POLE: variants seen among roughly 807,000 people sequenced by gnomAD.
POLE encodes DNA polymerase epsilon, catalytic subunit, also known as DNA polymerase epsilon catalytic subunit A.
A neutral mutation model predicts 279.2 loss-of-function variants in POLE; 188 were observed. The observed-to-expected ratio is 0.67, with a 90% CI of 0.60 to 0.76. The LOEUF is 0.76. Among genes scored for constraint, POLE ranks in the 30% least tolerant of loss-of-function variants. The pLI is 0.00. For missense variants in POLE, 2,703 were observed against 3,016.7 expected (o/e 0.90, Z 2.44); for synonymous variants, 1,214 against 1,172.5 (o/e 1.04, Z -0.72).
chr12:132,669,426 T>C (rs775996608), intron 16 of POLE, among the ~76,000 whole-genome samples: 1 of 150,954 alleles, frequency 6.6e-6, no homozygotes, highest in Non-Finnish European at 1.5e-5. Flanking sequence ...ATTGCACCAC[T>C]GCACTCCAGC....
In POLE at chr12:132,681,166, T is replaced by G. The variant is rs754654107; in HGVS notation, c.176A>C (p.Lys59Thr). Residue 59 changes from lysine (K) to threonine (T), a missense_variant, in exon 2 of 49, where the codon AAG (lysine) becomes ACG (threonine). Physicochemically the swap from Lys to Thr is moderately conservative, Grantham distance 78 (BLOSUM62 -1). Coordinates refer to ENST00000320574, the MANE Select transcript of POLE (RefSeq NM_006231.4). ...ATGCATGTTAATGAGCCAGCCTGTC[T>G]TCTCACCAGGCTCCTTCAGCCGCTC... Reference protein sequence around the residue: ...GFERLKEPGEKTGWLINMHPT... With the variant: ...GFERLKEPGETTGWLINMHPT... The G allele has an allele frequency of 5.6e-6, 9 of 1,614,122 alleles. No homozygotes were observed. The highest frequency in any genetic ancestry group is 7.6e-6 in the Non-Finnish European group (9 of 1,180,008).
intron 32 of POLE, chr12:132,648,518 A>C (rs1392902064): frequency 6.3e-6 from 1 of 158,290 alleles, no homozygotes; most frequent in Non-Finnish European, 1.4e-5. Flanking sequence ...AGAAAAAAAA[A>C]GAAAATGTCA....
rs2043017710 is a variant in POLE, at chr12:132,675,259, CAT to C, written c.1226+137_1226+138del. ...CGGGCCCTGGCAGGGTTGCAGCTGC[CAT>C]ACTCTTGGGTGACCTGAAACGGCCT... On this transcript the variant is annotated intron_variant, in intron 12 of 48. Transcript: ENST00000320574. The surrounding 1 kb of genome is among the most constrained non-coding windows in gnomAD (Gnocchi z 4.3). 4 of 1,049,428 alleles carry C rather than the reference CAT, an allele frequency of 3.8e-6. No homozygotes were observed. The African/African-American group carries it at 6.4e-5, about 17-fold the overall frequency. The allele number at this position is 1,049,428 out of a possible 1,614,324, so 65.0% of individuals were successfully genotyped here. A position where few individuals can be genotyped will look rare whatever the true frequency, so the allele number is the denominator to read the frequency against.
chr12:132,632,820 G>A, intron 43 of POLE, 25 bp from the exon 44 acceptor site: 1 of 1,575,268 alleles, frequency 6.3e-7, no homozygotes, highest in Non-Finnish European at 8.6e-7. Flanking sequence ...ACACACCACA[G>A]GCCCTGAGTC....
At chr12:132,663,891 G>A (rs2042730941) in intron 23 of POLE, 113 bp downstream of exon 23, 7 of 1,058,162 alleles carry the variant, frequency 6.6e-6, no homozygotes, top group Non-Finnish European at 9.9e-6. Context: ...AGCAATGTGA[G>A]CAGTGCTGGG....
chr12:132,682,810 G>A (rs758361478), intron 1 of POLE, among the ~76,000 whole-genome samples: 45 of 151,692 alleles, frequency 3.0e-4, no homozygotes, highest in East Asian at 7.8e-4. Flanking sequence ...AAAATTAGCC[G>A]GGCGTGGTGG....
intron 1 of POLE, 151 bp from the exon 2 acceptor site, chr12:132,681,430 G>A (rs1038999836): frequency 1.4e-4 from 106 of 740,250 alleles, no homozygotes; most frequent in Admixed American, 1.2e-3. Flanking sequence ...TGCAAGCTCC[G>A]CCTCCCGGGT....
Position 132,632,527 on chromosome 12 carries a change from T to A in POLE, c.6137-19A>T, listed in dbSNP as rs1057524544. On this transcript the variant is annotated intron_variant, in intron 44 of 48. Coordinates refer to ENST00000320574, the MANE Select transcript of POLE (RefSeq NM_006231.4). ...ATCATTCCTGGAAGTATAAGGATGC[T>A]GAGGGAGGGGTCTGGGACCTGTCTG... The A allele has an allele frequency of 3.1e-6, 5 of 1,612,964 alleles. No individual in the cohort carries two copies. The highest frequency in any genetic ancestry group is 4.2e-6 in the Non-Finnish European group (5 of 1,178,980).
Position 132,672,789 on chromosome 12 carries a change from C to A in POLE, c.1524G>T (p.Gln508His), listed in dbSNP as rs762030811. 1.9e-6 allele frequency: 3 copies of A among 1,614,084 alleles called. No homozygotes were observed. The East Asian group carries it at 6.7e-5, about 36-fold the overall frequency. ...GTLCEALLMV[Q>H]AFHANIIFPN... is the part of the protein sequence containing the mutation. ...GGAAGATGATGTTGGCGTGGAAGGC[C>A]TGCACCATCAGCAAGGCCTCACACA... Residue 508 changes from glutamine (Q) to histidine (H), a missense_variant, in exon 15 of 49, where the codon CAG becomes CAT. Gln to His is a conservative substitution (Grantham distance 24). Around this residue, in one of 5 missense-constraint regions of POLE, gnomAD observed 1,011 missense variants for 1,111.7 expected, o/e 0.91. Coordinates refer to ENST00000320574, the MANE Select transcript of POLE (RefSeq NM_006231.4).
intron 6 of POLE, among the ~76,000 whole-genome samples, chr12:132,678,276 GA>G (rs34315839): frequency 1.9e-4 from 27 of 141,638 alleles, no homozygotes; most frequent in South Asian, 2.2e-4. Flanking sequence ...ACCCCAACTA[GA>G]AAAAAAAAAA....
intron 45 of POLE, among the ~76,000 whole-genome samples, chr12:132,629,985 G>A (rs138559088): frequency 5.3e-4 from 80 of 152,264 alleles, no homozygotes; most frequent in Non-Finnish European, 8.1e-4. Context: ...TTGTGTCACC[G>A]GGACTGGGGA....
chr12:132,672,792 C>A lies in POLE; in HGVS notation c.1521G>T (p.Val507=). Residue 507 remains valine, a synonymous_variant, in exon 15 of 49, where the codon GTG becomes GTT. Transcript: ENST00000320574. The part of the protein sequence containing the change: ...SGTLCEALLM[V]QAFHANIIFP... ...AGATGATGTTGGCGTGGAAGGCCTG[C>A]ACCATCAGCAAGGCCTCACACAGAG... The A allele has an allele frequency of 6.2e-7, 1 of 1,614,176 alleles. No individual in the cohort carries two copies. The highest frequency in any genetic ancestry group is 8.5e-7 in the Non-Finnish European group (1 of 1,180,014).
chr12:132,675,542 G>C lies in POLE; in HGVS notation c.1107-25C>G, dbSNP rs763288184. Reference sequence around the variant, plus strand: ...CCTGGGTTGGAAAGAGGACAGACAAGCAAGTGGGCAGGTCAGGCTCTAATG... The same window carrying C: ...CCTGGGTTGGAAAGAGGACAGACAACCAAGTGGGCAGGTCAGGCTCTAATG... On this transcript the variant is annotated intron_variant, in intron 11 of 48. Coordinates refer to ENST00000320574, the MANE Select transcript of POLE (RefSeq NM_006231.4). The surrounding 1 kb of genome is among the most constrained non-coding windows in gnomAD (Gnocchi z 4.3). The C allele has an allele frequency of 2.5e-6, 4 of 1,613,260 alleles. No individual in the cohort carries two copies. The highest frequency in any genetic ancestry group is 3.4e-6 in the Non-Finnish European group (4 of 1,179,786).
chr12:132,676,316 C>T (rs1593078765), intron 9 of POLE, 112 bp from the exon 10 acceptor site: 1 of 793,274 alleles, frequency 1.3e-6, no homozygotes, highest in Non-Finnish European at 2.1e-6. Context: ...AAGAAGTCCA[C>T]AGCAATGTGA....
rs201279820 is a variant in POLE at position 132,680,209 on chromosome 12, T to G, written c.299A>C (p.Tyr100Ser). The change falls in exon 4 of 49, where the codon TAT (tyrosine) becomes TCT (serine). Residue 100 changes from tyrosine (Y) to serine (S), a missense_variant. Around this residue, in one of 5 missense-constraint regions of POLE, gnomAD observed 1,011 missense variants for 1,111.7 expected, o/e 0.91. Transcript: ENST00000320574. Reference sequence around the variant, plus strand: ...GGTCGCAATGTAGAAATACGGTTTATAGGGCAAAGCCACCTGTTAAGAGTC... The same window carrying G: ...GGTCGCAATGTAGAAATACGGTTTAGAGGGCAAAGCCACCTGTTAAGAGTC... Reference protein sequence around the residue: ...DGSRFKVALPYKPYFYIATRK... With the variant: ...DGSRFKVALPSKPYFYIATRK... 1.2e-6 allele frequency: 2 copies of G among 1,613,996 alleles called. No homozygotes were observed. The highest frequency in any genetic ancestry group is 8.5e-7 in the Non-Finnish European group (1 of 1,179,950).
In POLE at chr12:132,675,833, C is replaced by G. The variant is rs2043038652; in HGVS notation, c.1021-13G>C. Reference sequence around the variant, plus strand: ...GGATCAGATGAGCCTGAACCCAAGTCACAGCAGTCAGAGGTCTGCTCTTTC... The same window carrying G: ...GGATCAGATGAGCCTGAACCCAAGTGACAGCAGTCAGAGGTCTGCTCTTTC... On this transcript the variant is annotated splice_polypyrimidine_tract_variant and intron_variant, in intron 10 of 48. Coordinates refer to ENST00000320574, the MANE Select transcript of POLE (RefSeq NM_006231.4). The surrounding 1 kb of genome is among the most constrained non-coding windows in gnomAD (Gnocchi z 4.3). 4 of 1,605,176 alleles carry G rather than the reference C, an allele frequency of 2.5e-6. No individual in the cohort carries two copies. The highest frequency in any genetic ancestry group is 8.5e-7 in the Non-Finnish European group (1 of 1,171,934).
At chr12:132,652,941 C>T (rs556636236) in intron 29 of POLE, among the ~76,000 whole-genome samples, 1 of 152,284 alleles carries the variant, frequency 6.6e-6, no homozygotes, top group South Asian at 2.1e-4. Context: ...ATCCAAAAAG[C>T]TTTTGGCAGA....
chr12:132,681,406 T>C (rs2043166305), intron 1 of POLE, 127 bp from the exon 2 acceptor site: 4 of 888,580 alleles, frequency 4.5e-6, no homozygotes, highest in Non-Finnish European at 6.5e-6. Context: ...TGCAGTGGTG[T>C]GATCTCGGCT....
At chr12:132,627,845 A>G (rs1220671175) in intron 45 of POLE, among the ~76,000 whole-genome samples, 1 of 151,958 alleles carries the variant, frequency 6.6e-6, no homozygotes, top group Non-Finnish European at 1.5e-5. Flanking sequence ...AAACAAGACA[A>G]CAATGAAGTT....
Sources: gnomAD v4.1 joint callset for allele counts (sites outside exome capture counted in the v4.1 genomes callset) on GRCh38, gnomAD v4.1.1 for gene constraint, gnomAD v4.1.1 regional missense constraint, Gnocchi (gnomAD v3.1) non-coding constraint, MANE v1.5 for transcripts, NCBI Gene and HGNC (gene_info 2026-07-23, HGNC 2026-07-21) for gene names.